ACOX3: variants seen among roughly 807,000 people sequenced by gnomAD.
The protein encoded by ACOX3 is acyl-CoA oxidase 3, pristanoyl.
In ACOX3, 73 loss-of-function variants were observed where a neutral mutation model predicts 81.5. The observed-to-expected ratio is 0.90, with a 90% CI of 0.74 to 1.09. The LOEUF is 1.09. Among genes scored for constraint, ACOX3 ranks in the 50% least tolerant of loss-of-function variants. The pLI, the probability that ACOX3 is intolerant of heterozygous loss-of-function variation, is 0.00. For missense variants in ACOX3, 947 were observed against 928.0 expected, an observed-to-expected ratio of 1.02 and a Z score of -0.27; for synonymous variants, 387 against 375.1, an observed-to-expected ratio of 1.03 and a Z score of -0.37.
At chr4:8,398,590 C>T (rs1224531270) in intron 8 of ACOX3, among the ~76,000 whole-genome samples, 3 of 152,190 alleles carry the variant, frequency 2.0e-5, no homozygotes, top group Non-Finnish European at 4.4e-5. Context: ...TAGTGATCCT[C>T]CCACCTCCCA....
chr4:8,374,814 T>C (rs1202723404), intron 15 of ACOX3, 164 bp downstream of exon 15: 4 of 748,206 alleles, frequency 5.3e-6, no homozygotes, highest in Non-Finnish European at 7.9e-6. Context: ...CTGCCCCATA[T>C]GCTTCTCATT....
chr4:8,355,663 G>A, the ACOX3 span: 9 of 152,140 alleles, frequency 5.9e-5, no homozygotes, highest in South Asian at 2.1e-4. Flanking sequence ...AAGAGTCTTC[G>A]TTTTAAAATG....
intron 1 of ACOX3, among the ~76,000 whole-genome samples, chr4:8,421,079 G>A (rs186112287): frequency 3.8e-4 from 58 of 152,272 alleles, no homozygotes; most frequent in South Asian, 2.1e-4. Context: ...TTTTGGAAGC[G>A]GCCCACCACC....
In ACOX3 at chr4:8,384,735, C is replaced by T. The variant is rs979676903; in HGVS notation, c.1538-3128G>A. On this transcript the variant is annotated intron_variant, in intron 13 of 17. Coordinates refer to ENST00000356406, the MANE Select transcript of ACOX3 (RefSeq NM_003501.3). The surrounding 1 kb of genome is among the most constrained non-coding windows in gnomAD (Gnocchi z 5.3). Reference sequence around the variant, plus strand: ...CCGTCTCTGGGTCCAGTCCCCTCTGCGTCAGCATCAGAGCACTCCTAACTC... The same window carrying T: ...CCGTCTCTGGGTCCAGTCCCCTCTGTGTCAGCATCAGAGCACTCCTAACTC... 6.6e-6 allele frequency among the ~76,000 whole-genome samples: 1 copy of T among 152,196 alleles called. No homozygotes were observed. Among genetic ancestry groups the T allele is most frequent in the Non-Finnish European group, 1.5e-5 (1 of 68,046 alleles).
Position 8,414,667 on chromosome 4 carries a change from G to C in ACOX3, c.453+187C>G, listed in dbSNP as rs543408389. Among the ~76,000 whole-genome samples, 1 of 152,342 alleles carries C rather than the reference G, an allele frequency of 6.6e-6. No homozygotes were observed. The highest frequency in any genetic ancestry group is 1.9e-4 in the East Asian group (1 of 5,182). On this transcript the variant is annotated intron_variant, in intron 4 of 17. Transcript: ENST00000356406. This position sits in a 1 kb window ranked among gnomAD's most constrained non-coding sequence, Gnocchi z 6.1. ...TCAGTGACAATTCACCTGGTGCTAG[G>C]AAGTCAATGTGCCTGTGTTTGCTAA...
Position 8,406,189 on chromosome 4 carries a change from C to G in ACOX3, c.688-146G>C. 1.4e-6 allele frequency: 1 copy of G among 722,238 alleles called. No homozygotes were observed. Among genetic ancestry groups the G allele is most frequent in the East Asian group, 2.5e-5 (1 of 40,532 alleles). The allele number at this position is 722,238 out of a possible 1,614,324, so 44.7% of individuals were successfully genotyped here. On this transcript the variant is annotated intron_variant, in intron 6 of 17. Transcript: ENST00000356406. The surrounding 1 kb of genome is among the most constrained non-coding windows in gnomAD (Gnocchi z 5.6). ...AACCATCCTCCAGAAATGATACATC[C>G]AAGTCCTAACCCCAGGACCTGGGAA... is the stretch of plus-strand genomic sequence containing the variant.
chr4:8,397,019 A>G lies in ACOX3; in HGVS notation c.974T>C (p.Ile325Thr), dbSNP rs1417236785. The part of the protein sequence containing the change: ...AILNLKLAVA[I>T]ALRFSATRRQ... ...CCGAGTGGCTGAGAAGCGAAGAGCG[A>G]TGGCCACGGCCAGCTTTAGGTTAAG... The change falls in exon 9 of 18, where the codon ATC becomes ACC. Residue 325 changes from isoleucine to threonine, a missense_variant. Ile to Thr is a moderately conservative substitution (Grantham distance 89, BLOSUM62 -1). Transcript: ENST00000356406. 6.2e-7 allele frequency: 1 copy of G among 1,611,882 alleles called. No homozygotes were observed. The highest frequency in any genetic ancestry group is 8.5e-7 in the Non-Finnish European group (1 of 1,179,118).
chr4:8,367,092 A>G lies in ACOX3; in HGVS notation c.1984-12T>C. On this transcript the variant is annotated splice_polypyrimidine_tract_variant and intron_variant, in intron 17 of 17. Transcript: ENST00000356406. The stretch of plus-strand genomic sequence containing the variant: ...AGGTTTTTGTAGAGCTGCAAACAAC[A>G]CGTACACAGCAAGTGAAGACAAAGA... 2 of 1,613,464 alleles carry G rather than the reference A, an allele frequency of 1.2e-6. No homozygotes were observed. The highest frequency in any genetic ancestry group is 1.7e-6 in the Non-Finnish European group (2 of 1,179,580).
chr4:8,404,668 A>C (rs1201825099), intron 7 of ACOX3, among the ~76,000 whole-genome samples: 2 of 152,184 alleles, frequency 1.3e-5, no homozygotes, highest in Non-Finnish European at 2.9e-5. Context: ...CTGAGCGCTC[A>C]GATGCCCACT....
intron 11 of ACOX3, 107 bp downstream of exon 11, chr4:8,392,226 G>C: frequency 7.7e-7 from 1 of 1,306,264 alleles, no homozygotes; most frequent in Non-Finnish European, 1.0e-6. Flanking sequence ...GCAAAAACAG[G>C]TGGCAGGCTG....
intron 17 of ACOX3, among the ~76,000 whole-genome samples, chr4:8,367,806 CAAAAAAAAAAAAAA>C (rs535574857): frequency 0.023 from 1,069 of 46,764 alleles, 42 homozygotes; most frequent in African/African-American, 0.063. Flanking sequence ...CCCATCTTTA[CAAAAAAAAAAAAAA>C]AAAAAAAAAA....
Position 8,381,099 on chromosome 4 carries a change from C to G in ACOX3, c.1653+393G>C, listed in dbSNP as rs908886186. 6.6e-6 allele frequency among the ~76,000 whole-genome samples: 1 copy of G among 152,218 alleles called. No homozygotes were observed. The highest frequency in any genetic ancestry group is 2.1e-4 in the South Asian group (1 of 4,830). On this transcript the variant is annotated intron_variant, in intron 14 of 17. Transcript: ENST00000356406. The surrounding 1 kb of genome is among the most constrained non-coding windows in gnomAD (Gnocchi z 4.3). ...TTGCCACCCCAGCCCCTCGGGAAGG[C>G]GAGAGCAACTTGTGGAAAACCAAGC...
rs1465007068 is a variant in ACOX3, at chr4:8,407,825, A to C, written c.688-1782T>G. Among the ~76,000 whole-genome samples, 2 of 152,224 alleles carry C rather than the reference A, an allele frequency of 1.3e-5. No homozygotes were observed. The highest frequency in any genetic ancestry group is 4.8e-5 in the African/African-American group (2 of 41,460). Reference sequence around the variant, plus strand: ...AGGACGTGGAGCTTCATCCTTGGGCACTGTTACAGCAGGGATTCCCAACCA... The same window carrying C: ...AGGACGTGGAGCTTCATCCTTGGGCCCTGTTACAGCAGGGATTCCCAACCA... On this transcript the variant is annotated intron_variant, in intron 6 of 17. Coordinates refer to ENST00000356406, the MANE Select transcript of ACOX3 (RefSeq NM_003501.3). The surrounding 1 kb of genome is among the most constrained non-coding windows in gnomAD (Gnocchi z 4.6).
At chr4:8,409,893 G>A (rs1721514931) in intron 6 of ACOX3, among the ~76,000 whole-genome samples, 1 of 150,732 alleles carries the variant, frequency 6.6e-6, no homozygotes, top group Admixed American at 6.6e-5. Context: ...TGTGGGCGGG[G>A]CTGTAGGAAT....
At chr4:8,412,452 A>G (rs569062749) in intron 5 of ACOX3, among the ~76,000 whole-genome samples, 1 of 152,182 alleles carries the variant, frequency 6.6e-6, no homozygotes, top group Non-Finnish European at 1.5e-5. Context: ...GGATGGATGG[A>G]AGAATGAATG....
rs1578948865 is a variant in ACOX3, at chr4:8,407,790, A to T, written c.688-1747T>A. 6.6e-6 allele frequency among the ~76,000 whole-genome samples: 1 copy of T among 152,212 alleles called. No individual in the cohort carries two copies. The highest frequency in any genetic ancestry group is 1.9e-4 in the East Asian group (1 of 5,194). ...CAGCTAATGGCTGCGCACTGTGGGAACTCGACGGAAGGACGTGGAGCTTCA... is the reference window on the plus strand; with the variant it reads ...CAGCTAATGGCTGCGCACTGTGGGATCTCGACGGAAGGACGTGGAGCTTCA... On this transcript the variant is annotated intron_variant, in intron 6 of 17. Transcript: ENST00000356406. This position sits in a 1 kb window ranked among gnomAD's most constrained non-coding sequence, Gnocchi z 4.6.
At chr4:8,375,300 T>C (rs2108802367) in intron 14 of ACOX3, 148 bp from the exon 15 acceptor site, 12 of 776,708 alleles carry the variant, frequency 1.5e-5, no homozygotes, top group East Asian at 5.5e-5. Flanking sequence ...AGAGCACAGA[T>C]GCGGCGCAGC....
intron 8 of ACOX3, among the ~76,000 whole-genome samples, chr4:8,398,878 C>T (rs1720022661): frequency 6.6e-6 from 1 of 152,190 alleles, no homozygotes; most frequent in Non-Finnish European, 1.5e-5. Context: ...CCTGTTCTTC[C>T]AATCATTTAT....
At position 8,381,405 on chromosome 4, in the gene ACOX3, G is replaced by T; in HGVS notation, c.1653+87C>A. The T allele has an allele frequency of 8.0e-7, 1 of 1,253,766 alleles. No individual in the cohort carries two copies. The highest frequency in any genetic ancestry group is 1.1e-6 in the Non-Finnish European group (1 of 877,490). 77.7% of individuals were successfully genotyped at this position (1,253,766 alleles called of 1,614,324 possible). On this transcript the variant is annotated intron_variant, in intron 14 of 17. Transcript: ENST00000356406. This position sits in a 1 kb window ranked among gnomAD's most constrained non-coding sequence, Gnocchi z 4.3. The stretch of plus-strand genomic sequence containing the variant: ...GAGCTCGGGGTCTGGGGCCTGAATT[G>T]CCAGGATGTTCAAACTCCCAGGGAC...
Sources: gnomAD v4.1 joint callset for allele counts (sites outside exome capture counted in the v4.1 genomes callset) on GRCh38, gnomAD v4.1.1 for gene constraint, Gnocchi (gnomAD v3.1) non-coding constraint, MANE v1.5 for transcripts, NCBI Gene and HGNC (gene_info 2026-07-23, HGNC 2026-07-21) for gene names.